Variants in SYNE1 observed in about 807,000 individuals in gnomAD.
SYNE1 encodes spectrin repeat containing nuclear envelope protein 1.
SYNE1 carries 616 observed loss-of-function variants against 1,111.0 expected under a neutral mutation model. The ratio of observed to expected loss-of-function variants is 0.55; its 90% CI spans 0.52 to 0.59. The LOEUF (loss-of-function observed/expected upper bound fraction) is 0.59, where lower values mean the gene tolerates loss of function less well. SYNE1 is among the 20% of genes least tolerant of loss of function. The pLI is 0.00. For missense variants in SYNE1, 10,006 were observed against 10,417.0 expected (o/e 0.96, Z 1.72); for synonymous variants, 3,855 against 3,825.8 (o/e 1.01, Z -0.28).
chr6:152,431,488 T>C (rs544656209), intron 34 of SYNE1, among the ~76,000 whole-genome samples: 1 of 152,308 alleles, frequency 6.6e-6, no homozygotes, highest in Non-Finnish European at 1.5e-5. Flanking sequence ...TGATAACTAT[T>C]AAGGAAGTGT....
chr6:152,150,499 A>G (rs2152902664), intron 135 of SYNE1, among the ~76,000 whole-genome samples: 1 of 152,344 alleles, frequency 6.6e-6, no homozygotes, highest in African/African-American at 2.4e-5. Context: ...AGGGTGAGGC[A>G]GAATAGCAGG....
intron 131 of SYNE1, 83 bp from the exon 132 acceptor site, chr6:152,156,180 G>T: frequency 1.4e-6 from 2 of 1,396,172 alleles, no homozygotes; most frequent in East Asian, 2.3e-5. Context: ...TTGGTAAATG[G>T]CTAGGCTACA....
At chr6:152,471,805 T>C (rs768280525) in intron 15 of SYNE1, 40 bp from the exon 16 acceptor site, 4 of 1,592,834 alleles carry the variant, frequency 2.5e-6, no homozygotes, top group South Asian at 2.2e-5. Flanking sequence ...ATGTAACTAA[T>C]AGTAACAGAA....
rs11427099 is a variant in SYNE1, at chr6:152,268,388, T to TA, written c.18706-224dup. 0.69 allele frequency among the ~76,000 whole-genome samples: 98,382 copies of TA among 142,286 alleles called. 33,930 individuals carry two copies. Among genetic ancestry groups the TA allele is most frequent in the East Asian group, 0.79 (3,882 of 4,910 alleles). 93.3% of individuals were successfully genotyped at this position (142,286 alleles called of 152,430 possible). On this transcript the variant is annotated intron_variant, in intron 99 of 145. Coordinates refer to ENST00000367255, the MANE Select transcript of SYNE1 (RefSeq NM_182961.4). ...GGATACCTCTGAAAAATCTGGGGGT[T>TA]AAAAAAAAAAAAAAAACCACCAATG...
rs35378260 is a variant in SYNE1, at chr6:152,442,193, G to A, written c.3890C>T (p.Ala1297Val). 1,796 of 1,613,574 alleles carry A rather than the reference G, an allele frequency of 1.1e-3. 15 individuals are homozygous for A. The African/African-American group carries it at 0.021, about 19-fold the overall frequency. Reference protein sequence around the residue: ...AKKRDVQQQIAQAQQGEGGLP... With the variant: ...AKKRDVQQQIVQAQQGEGGLP... ...CCCCCCTTCTCCCTGCTGCGCCTGC[G>A]CGATCTGCTGCTGCACATCTCTCTT... The change falls in exon 31 of 146, where the codon GCG (alanine) becomes GTG (valine). Residue 1297 changes from alanine (A) to valine (V), a missense_variant. Transcript: ENST00000367255.
intron 48 of SYNE1, 81 bp downstream of exon 48, chr6:152,399,535 T>G: frequency 6.5e-7 from 1 of 1,543,180 alleles, no homozygotes; most frequent in Non-Finnish European, 8.9e-7. Context: ...CTCAAACTTT[T>G]GCTGGCAGTT....
Position 152,149,584 on chromosome 6 carries a change from G to C in SYNE1, c.24535C>G (p.Pro8179Ala). The C allele has an allele frequency of 6.2e-7, 1 of 1,614,052 alleles. No homozygotes were observed. Among genetic ancestry groups the C allele is most frequent in the Non-Finnish European group, 8.5e-7 (1 of 1,180,010 alleles). Reference protein sequence around the residue: ...QGEQLIEKSEPLDAAIIEEEL... With the variant: ...QGEQLIEKSEALDAAIIEEEL... ...TCCTCGATGATCGCTGCATCCAAGGGCTCACTCTTTTCTATCAGCTGTTCT... is the reference window on the plus strand; with the variant it reads ...TCCTCGATGATCGCTGCATCCAAGGCCTCACTCTTTTCTATCAGCTGTTCT... The change falls in exon 136 of 146, where the codon CCC becomes GCC. Residue 8179 changes from proline (P) to alanine (A), a missense_variant. Physicochemically the swap from Pro to Ala is conservative, Grantham distance 27 (BLOSUM62 -1). Coordinates refer to ENST00000367255, the MANE Select transcript of SYNE1 (RefSeq NM_182961.4).
intron 74 of SYNE1, among the ~76,000 whole-genome samples, chr6:152,341,417 C>T (rs893896696): frequency 2.6e-4 from 39 of 152,208 alleles, no homozygotes; most frequent in Admixed American, 2.2e-3. Context: ...CAGCTGCAAA[C>T]GATGTTTGCT....
chr6:152,433,662 G>T, intron 34 of SYNE1, 133 bp downstream of exon 34: 2 of 1,061,850 alleles, frequency 1.9e-6, no homozygotes, highest in Non-Finnish European at 2.8e-6. Flanking sequence ...TTGATAAAAT[G>T]TATGAATTTA....
chr6:152,453,285 T>C, intron 25 of SYNE1: 1 of 585,918 alleles, frequency 1.7e-6, no homozygotes, highest in Non-Finnish European at 3.0e-6. Flanking sequence ...GAGAGAAGCT[T>C]ATGAAATGTT....
Position 152,309,811 on chromosome 6 carries a change from C to T in SYNE1, c.17202+24G>A, listed in dbSNP as rs12662994. ...CCATGATTCATCAGCAATTGCTCTA[C>T]TGGTGTGGGTACCCTGCACCTGCCT... On this transcript the variant is annotated intron_variant, in intron 90 of 145. Coordinates refer to ENST00000367255, the MANE Select transcript of SYNE1 (RefSeq NM_182961.4). 0.1 allele frequency: 162,557 copies of T among 1,612,526 alleles called. 10,355 individuals carry two copies. The highest frequency in any genetic ancestry group is 0.3 in the Admixed American group (18,054 of 59,966).
chr6:152,316,782 G>A, intron 87 of SYNE1, 67 bp downstream of exon 87: 1 of 1,586,374 alleles, frequency 6.3e-7, no homozygotes, highest in Non-Finnish European at 8.6e-7. Context: ...TAAGTGTTGT[G>A]TCAGTCTACC....
intron 111 of SYNE1, 145 bp from the exon 112 acceptor site, chr6:152,234,108 C>T: frequency 1.1e-6 from 1 of 886,510 alleles, no homozygotes; most frequent in South Asian, 1.5e-5. Context: ...GAAAGCAGTA[C>T]ACCCTTGCCC....
intron 61 of SYNE1, chr6:152,367,678 C>CT (rs1454918287): frequency 2.5e-6 from 1 of 405,548 alleles, no homozygotes; most frequent in East Asian, 5.4e-5. Context: ...GTCTGGGAGA[C>CT]TGGTCAAAGT....
At chr6:152,491,160 T>C (rs1048107932) in intron 11 of SYNE1, among the ~76,000 whole-genome samples, 1 of 151,758 alleles carries the variant, frequency 6.6e-6, no homozygotes, top group Non-Finnish European at 1.5e-5. Context: ...ATTCCACTAG[T>C]GTCTGATCAC....
intron 5 of SYNE1, among the ~76,000 whole-genome samples, chr6:152,520,757 CAG>C (rs2099134964): frequency 6.6e-6 from 1 of 152,192 alleles, no homozygotes; most frequent in Non-Finnish European, 1.5e-5. Context: ...CATTCATTCT[CAG>C]ATTATCTGTT....
At chr6:152,456,712 C>T in intron 22 of SYNE1, 1 of 449,600 alleles carries the variant, frequency 2.2e-6, no homozygotes, top group South Asian at 1.6e-5. Context: ...GTGATTTTGG[C>T]AGTAGACAGC....
In SYNE1 at chr6:152,136,940, G is replaced by C. The variant is rs112132808; in HGVS notation, c.25459-122C>G. The C allele has an allele frequency of 1.6e-4, 167 of 1,024,034 alleles. 1 individual carries two copies. The African/African-American group carries it at 2.1e-3, about 13-fold the overall frequency. 63.4% of individuals were successfully genotyped at this position (1,024,034 alleles called of 1,614,324 possible). A position where few individuals can be genotyped will look rare whatever the true frequency, so the allele number is the denominator to read the frequency against. ...AAACTGGCCTTAACAGGATGGCTAG[G>C]TAAAAGACAGAGGGTGCGTACCACT... On this transcript the variant is annotated intron_variant, in intron 140 of 145. Coordinates refer to ENST00000367255, the MANE Select transcript of SYNE1 (RefSeq NM_182961.4).
chr6:152,416,242 CTTAATTTCT>C, intron 41 of SYNE1, 136 bp downstream of exon 41: 2 of 1,133,564 alleles, frequency 1.8e-6, no homozygotes, highest in South Asian at 2.6e-5. Context: ...CTCAACTCAG[CTTAATTTCT>C]TTCTTTTGGC....
Sources: allele counts gnomAD v4.1 joint callset (sites outside exome capture counted in the v4.1 genomes callset), GRCh38; gene constraint gnomAD v4.1.1; transcripts MANE v1.5; gene names NCBI Gene and HGNC (gene_info 2026-07-23, HGNC 2026-07-21).